The following USP6 variants were observed in gnomAD, a reference collection of about 807,000 sequenced individuals.
USP6 encodes ubiquitin specific peptidase 6, also known as ubiquitin carboxyl-terminal hydrolase 6.
USP6 carries 128 observed loss-of-function variants against 175.7 expected under a neutral mutation model. That is an observed-to-expected ratio of 0.73 (90% CI 0.63 to 0.84). The LOEUF is 0.84. USP6 is among the 40% of genes least tolerant of loss of function. The pLI is 0.00. For synonymous variants in USP6, 562 were observed against 630.6 expected (o/e 0.89, Z 1.63); for missense variants, 1,498 against 1,760.3 (o/e 0.85, Z 2.67).
rs181721468 is a variant in USP6 at position 5,145,112 on chromosome 17, C to T, written c.1992+249C>T. Among the ~76,000 whole-genome samples the T allele has an allele frequency of 7.2e-5, 11 of 152,168 alleles. No individual in the cohort carries two copies. In the East Asian group the frequency reaches 7.7e-4, roughly 11 times the overall value. On this transcript the variant is annotated intron_variant, in intron 26 of 37. Transcript: ENST00000574788. ...TGGGACTGGATGTAGGAATAATTGT[C>T]CAGTGGAATTTAAAGAGTCCCCGTA...
rs1481753197 is a variant in USP6 at position 5,171,073 on chromosome 17, G to A, written c.3954+158G>A. Among the ~76,000 whole-genome samples the A allele has an allele frequency of 4.6e-5, 7 of 152,178 alleles. No individual in the cohort carries two copies. The East Asian group carries it at 7.7e-4, about 17-fold the overall frequency. On this transcript the variant is annotated intron_variant, in intron 36 of 37. Transcript: ENST00000574788. ...ATTGAAATCTGGGCTCACAGATGTG[G>A]TGTGGTGGCTCACACCTGTAATCCC...
At chr17:5,169,802 A>G (rs1464248029) in intron 35 of USP6, among the ~76,000 whole-genome samples, 6 of 152,064 alleles carry the variant, frequency 3.9e-5, no homozygotes, top group Non-Finnish European at 8.8e-5. Context: ...TTTCTCTCAC[A>G]GATGTACAAT....
intron 26 of USP6, 141 bp downstream of exon 26, chr17:5,145,004 CTTAA>C: frequency 1.6e-6 from 2 of 1,280,616 alleles, no homozygotes; most frequent in Non-Finnish European, 2.1e-6. Context: ...TATTTCTATG[CTTAA>C]TTGTTATGTG....
chr17:5,144,742 C>G lies in USP6; in HGVS notation c.1871C>G (p.Ser624Cys). 6.2e-7 allele frequency: 1 copy of G among 1,613,772 alleles called. No individual in the cohort carries two copies. The highest frequency in any genetic ancestry group is 1.1e-5 in the South Asian group (1 of 91,000). ...PKFDGFQQQD[S>C]QELLAFLLDG... ...TTTGATGGGTTTCAGCAACAAGACT[C>G]CCAAGAACTTCTGGCTTTTCTCTTG... Residue 624 changes from serine (S) to cysteine (C), a missense_variant, in exon 26 of 38, where the codon TCC becomes TGC. By Grantham distance (112) the Ser-to-Cys change is moderately radical. This residue lies in a region of USP6 where 1,217 missense variants were observed against 1,500.8 expected (regional missense o/e 0.81). Transcript: ENST00000574788.
At position 5,170,799 on chromosome 17, in the gene USP6, G is replaced by C. The variant is rs759106113; in HGVS notation, c.3838G>C (p.Gly1280Arg). The change falls in exon 36 of 38, where the codon GGC becomes CGC. Residue 1280 changes from glycine to arginine, a missense_variant. Physicochemically the swap from Gly to Arg is moderately radical, Grantham distance 125. Transcript: ENST00000574788. ...TTATGAGCATGAAGCATGTGGCAAT[G>C]GCTGTGGCGATGGCTACAGCAATGG... Reference protein sequence around the residue: ...FLYEHEACGNGCGDGYSNGQL... With the variant: ...FLYEHEACGNRCGDGYSNGQL... The C allele has an allele frequency of 6.2e-7, 1 of 1,613,824 alleles. No homozygotes were observed. The highest frequency in any genetic ancestry group is 8.5e-7 in the Non-Finnish European group (1 of 1,179,874).
In USP6 at chr17:5,144,746, A is replaced by G. The variant is rs201744570; in HGVS notation, c.1875A>G (p.Gln625=). ...ATGGGTTTCAGCAACAAGACTCCCA[A>G]GAACTTCTGGCTTTTCTCTTGGATG... ...KFDGFQQQDS[Q]ELLAFLLDGL... Residue 625 remains glutamine (Q), a synonymous_variant, in exon 26 of 38, where the codon CAA becomes CAG. Transcript: ENST00000574788. 2.5e-6 allele frequency: 4 copies of G among 1,613,872 alleles called. No individual in the cohort carries two copies. In the African/African-American group the frequency reaches 4.0e-5, roughly 16 times the overall value.
At chr17:5,152,264 A>G (rs1196469089) in intron 30 of USP6, among the ~76,000 whole-genome samples, 1 of 151,662 alleles carries the variant, frequency 6.6e-6, no homozygotes, top group African/African-American at 2.4e-5. Flanking sequence ...AAAAGTGATC[A>G]ATGACACTAG....
chr17:5,122,840 T>G (rs1434063321), intron 4 of USP6: 3 of 152,126 alleles, frequency 2.0e-5, no homozygotes, highest in Non-Finnish European at 4.4e-5. Context: ...CTCTTAGAGG[T>G]CTGTGGCCCC....
intron 29 of USP6, among the ~76,000 whole-genome samples, chr17:5,147,972 A>C (rs1426704872): frequency 6.6e-6 from 1 of 152,094 alleles, no homozygotes; most frequent in Non-Finnish European, 1.5e-5. Context: ...CCTCTGCCTT[A>C]TGGGCTGAAG....
intron 22 of USP6, 57 bp downstream of exon 22, chr17:5,139,731 G>T (rs2073385787): frequency 6.3e-7 from 1 of 1,598,028 alleles, no homozygotes; most frequent in Non-Finnish European, 8.5e-7. Context: ...TCCCGGCCCT[G>T]CAGTGCACCC....
chr17:5,134,002 C>T lies in USP6; in HGVS notation c.494+6C>T. On this transcript the variant is annotated splice_donor_region_variant and intron_variant, in intron 15 of 37. Transcript: ENST00000574788. ...AGGGATCGATATGGAGCCAAGTAAG[C>T]CTACGGGAGCCACACAGTCCCAGCA... The T allele has an allele frequency of 6.2e-7, 1 of 1,613,034 alleles. No individual in the cohort carries two copies. The highest frequency in any genetic ancestry group is 1.1e-5 in the South Asian group (1 of 91,042).
intron 34 of USP6, among the ~76,000 whole-genome samples, 169 bp downstream of exon 34, chr17:5,168,292 CA>C (rs2074137699): frequency 6.6e-6 from 1 of 152,212 alleles, no homozygotes; most frequent in African/African-American, 2.4e-5. Context: ...AATCTTTCTA[CA>C]AATATTTGGT....
Position 5,137,667 on chromosome 17 carries a change from C to A in USP6, c.842C>A (p.Thr281Asn). The part of the protein sequence containing the change: ...NLIDGISLGL[T>N]LRLWDVYLVE... The stretch of plus-strand genomic sequence containing the variant: ...TCCCCACAGATCTCTCTCGGGCTCA[C>A]CCTGCGCCTGTGGGACGTGTATTTG... The change falls in exon 20 of 38, where the codon ACC becomes AAC. Residue 281 changes from threonine (T) to asparagine (N), a missense_variant. Coordinates refer to ENST00000574788, the MANE Select transcript of USP6 (RefSeq NM_001304284.2). The A allele has an allele frequency of 6.2e-7, 1 of 1,606,492 alleles. No individual in the cohort carries two copies. Among genetic ancestry groups the A allele is most frequent in the Non-Finnish European group, 8.5e-7 (1 of 1,174,924 alleles).
chr17:5,123,900 CGT>C (rs574573691), intron 4 of USP6, among the ~76,000 whole-genome samples: 15,433 of 148,456 alleles, frequency 0.1, 912 homozygotes, highest in Middle Eastern at 0.12. Flanking sequence ...CAAGCACGCA[CGT>C]GCGCACACAC....
chr17:5,160,358 T>C (rs1346836000), intron 31 of USP6, among the ~76,000 whole-genome samples: 4 of 152,194 alleles, frequency 2.6e-5, no homozygotes, highest in Admixed American at 6.5e-5. Flanking sequence ...GCCACTCTTA[T>C]GTTATATTCC....
Position 5,144,677 on chromosome 17 carries a change from C to T in USP6, c.1819-13C>T. On this transcript the variant is annotated splice_polypyrimidine_tract_variant and intron_variant, in intron 25 of 37. Coordinates refer to ENST00000574788, the MANE Select transcript of USP6 (RefSeq NM_001304284.2). ...GTAGGAAATAATGACTGTGACTTCT[C>T]TTATATTTATAGCGGACCATAGCAA... 1 of 1,612,092 alleles carries T rather than the reference C, an allele frequency of 6.2e-7. No homozygotes were observed. The highest frequency in any genetic ancestry group is 8.5e-7 in the Non-Finnish European group (1 of 1,179,392).
chr17:5,155,676 A>G, intron 31 of USP6, 70 bp downstream of exon 31: 1 of 1,492,778 alleles, frequency 6.7e-7, no homozygotes, highest in Non-Finnish European at 9.0e-7. Flanking sequence ...TGAATTCTAC[A>G]TGACAGATAG....
intron 31 of USP6, among the ~76,000 whole-genome samples, chr17:5,156,872 G>A (rs747936620): frequency 6.6e-6 from 1 of 151,534 alleles, no homozygotes; most frequent in South Asian, 2.1e-4. Context: ...TGGGATTACA[G>A]ATGCTCGCAA....
At chr17:5,159,098 T>G (rs972632804) in intron 31 of USP6, among the ~76,000 whole-genome samples, 3 of 152,162 alleles carry the variant, frequency 2.0e-5, no homozygotes, top group African/African-American at 7.2e-5. Context: ...ATCCTGGAAT[T>G]AAGGGTCTAT....
Sources: allele counts gnomAD v4.1 joint callset (sites outside exome capture counted in the v4.1 genomes callset), GRCh38; gene constraint gnomAD v4.1.1; regional missense constraint gnomAD v4.1.1; transcripts MANE v1.5; gene names NCBI Gene and HGNC (gene_info 2026-07-23, HGNC 2026-07-21).